The following SPP2 variants were observed in gnomAD, a reference collection of about 807,000 sequenced individuals.
SPP2 encodes the protein secreted phosphoprotein 24.
Under a neutral mutation model 28.8 loss-of-function variants are expected in SPP2, and 34 were observed. The observed-to-expected ratio is 1.18, with a 90% CI of 0.90 to 1.57. SPP2 has a LOEUF of 1.57. Among genes scored for constraint, SPP2 ranks in the 40% most tolerant of loss-of-function variants. The probability of loss-of-function intolerance (pLI) is 0.00; values close to 1 mark genes in which losing one functional copy is unlikely to be tolerated. For synonymous variants in SPP2, 96 were observed against 89.4 expected (o/e 1.07, Z -0.42); for missense variants, 269 against 263.9 (o/e 1.02, Z -0.13).
rs116495447 is a variant in SPP2, at chr2:234,072,637, C to T, written c.*10+2614C>T. ...GACTGAAGTCCCAGTTATGTCTCTG[C>T]CCTCCCATGACCTTTAGCAGGGCAG... is the stretch of plus-strand genomic sequence containing the variant. On this transcript the variant is annotated intron_variant, in intron 7 of 7. Coordinates refer to ENST00000168148, the MANE Select transcript of SPP2 (RefSeq NM_006944.3). Among the ~76,000 whole-genome samples the T allele has an allele frequency of 2.4e-3, 360 of 152,280 alleles. 1 individual carries two copies. Among genetic ancestry groups the T allele is most frequent in the African/African-American group, 7.9e-3 (329 of 41,546 alleles).
At chr2:234,070,085 T>G (rs776952774) in intron 7 of SPP2, 62 bp downstream of exon 7, 5 of 1,337,494 alleles carry the variant, frequency 3.7e-6, no homozygotes, top group Non-Finnish European at 3.2e-6. Flanking sequence ...AGTGAACGCC[T>G]TAAAACTGCT....
At chr2:234,072,240 G>A (rs953369943) in intron 7 of SPP2, among the ~76,000 whole-genome samples, 1 of 152,072 alleles carries the variant, frequency 6.6e-6, no homozygotes, top group African/African-American at 2.4e-5. Context: ...CACCATTGAG[G>A]CCTTCTTGGA....
At chr2:234,061,284 G>A (rs1693714631) in intron 4 of SPP2, among the ~76,000 whole-genome samples, 1 of 151,992 alleles carries the variant, frequency 6.6e-6, no homozygotes. Flanking sequence ...GTTTGTTTTT[G>A]TCAGTCTAGG....
intron 4 of SPP2, among the ~76,000 whole-genome samples, chr2:234,066,116 A>G (rs1026635952): frequency 1.3e-5 from 2 of 152,218 alleles, no homozygotes; most frequent in South Asian, 2.1e-4. Flanking sequence ...TGATGATTGC[A>G]TGGACTTTTA....
Position 234,073,954 on chromosome 2 carries a change from T to C in SPP2, c.*11-2891T>C, listed in dbSNP as rs28904014. On this transcript the variant is annotated intron_variant, in intron 7 of 7. Coordinates refer to ENST00000168148, the MANE Select transcript of SPP2 (RefSeq NM_006944.3). ...GCCTGGCCTCTGTGCCCATGAATAT[T>C]ACAGCTCTCAAGTATGCCTGGGCCT... Among the ~76,000 whole-genome samples the C allele has an allele frequency of 1.2e-3, 189 of 152,344 alleles. 1 individual carries two copies. The highest frequency in any genetic ancestry group is 4.3e-3 in the African/African-American group (179 of 41,582).
intron 2 of SPP2, among the ~76,000 whole-genome samples, chr2:234,055,345 C>G (rs1466052679): frequency 6.6e-6 from 1 of 152,186 alleles, no homozygotes; most frequent in Non-Finnish European, 1.5e-5. Context: ...TGTCTTTATT[C>G]TATTAAGGCC....
intron 2 of SPP2, among the ~76,000 whole-genome samples, chr2:234,057,312 A>G (rs1693628727): frequency 6.9e-6 from 1 of 144,252 alleles, no homozygotes; most frequent in Non-Finnish European, 1.5e-5. Context: ...GTCACAGTGT[A>G]TGGTTCCTGC....
chr2:234,069,815 G>T, intron 6 of SPP2, 113 bp from the exon 7 acceptor site: 5 of 787,646 alleles, frequency 6.3e-6, no homozygotes. Flanking sequence ...ATGGCAGATG[G>T]GTTCAGGTTA....
intron 5 of SPP2, 146 bp from the exon 6 acceptor site, chr2:234,067,078 T>A (rs917145580): frequency 6.5e-6 from 5 of 773,914 alleles, no homozygotes; most frequent in Non-Finnish European, 8.8e-6. Context: ...GCATTTTTCC[T>A]ATTAGTGCTG....
Position 234,070,042 on chromosome 2 carries a change from A to C in SPP2, c.*10+19A>C. ...CCTTGAGGTAAGAAAATGCAGGTGC[A>C]CACAAGTGTATTTAGAAATAGAAGC... On this transcript the variant is annotated intron_variant, in intron 7 of 7. Coordinates refer to ENST00000168148, the MANE Select transcript of SPP2 (RefSeq NM_006944.3). 1 of 1,590,094 alleles carries C rather than the reference A, an allele frequency of 6.3e-7. No homozygotes were observed.
At chr2:234,075,881 C>T (rs1690885026) in intron 7 of SPP2, among the ~76,000 whole-genome samples, 1 of 152,178 alleles carries the variant, frequency 6.6e-6, no homozygotes, top group African/African-American at 2.4e-5. Context: ...CCAAGGTCCC[C>T]CAGGCCTGAA....
chr2:234,054,675 C>T (rs1173688686), intron 2 of SPP2, among the ~76,000 whole-genome samples: 1 of 152,148 alleles, frequency 6.6e-6, no homozygotes, highest in African/African-American at 2.4e-5. Context: ...TCCCAAAGGC[C>T]CAACCTCCAA....
chr2:234,066,428 A>G, intron 4 of SPP2, 105 bp from the exon 5 acceptor site: 1 of 876,518 alleles, frequency 1.1e-6, no homozygotes, highest in Non-Finnish European at 1.9e-6. Context: ...AAAATGGATT[A>G]TATAACATAT....
intron 4 of SPP2, among the ~76,000 whole-genome samples, chr2:234,065,554 CAGG>C (rs1464941020): frequency 6.6e-6 from 1 of 152,366 alleles, no homozygotes; most frequent in East Asian, 1.9e-4. Flanking sequence ...GCTGGGATTA[CAGG>C]CATGAACCAC....
intron 4 of SPP2, among the ~76,000 whole-genome samples, chr2:234,064,989 G>A (rs1480538217): frequency 6.6e-6 from 1 of 152,152 alleles, no homozygotes; most frequent in Non-Finnish European, 1.5e-5. Flanking sequence ...GGCTATCATA[G>A]ATAATGAGGC....
Position 234,060,433 on chromosome 2 carries a change from G to C in SPP2, c.398G>C (p.Arg133Pro), listed in dbSNP as rs376262894. 2 of 1,613,272 alleles carry C rather than the reference G, an allele frequency of 1.2e-6. No individual in the cohort carries two copies. The highest frequency in any genetic ancestry group is 2.7e-5 in the African/African-American group (2 of 74,868). ...SAQQVQGVHARCSWSSSTSES... is the reference protein window; with the variant it reads ...SAQQVQGVHAPCSWSSSTSES... ...CAGCAGGTGCAGGGCGTGCATGCTC[G>C]CTGCAGCTGGTCCTCCTCCACGTCT... is the stretch of plus-strand genomic sequence containing the variant. Residue 133 changes from arginine to proline, a missense_variant, in exon 4 of 8, where the codon CGC (arginine) becomes CCC (proline). By Grantham distance (103) the Arg-to-Pro change is moderately radical. Coordinates refer to ENST00000168148, the MANE Select transcript of SPP2 (RefSeq NM_006944.3).
At chr2:234,062,681 G>A (rs530177377) in intron 4 of SPP2, among the ~76,000 whole-genome samples, 44 of 152,262 alleles carry the variant, frequency 2.9e-4, no homozygotes, top group African/African-American at 1.0e-3. Flanking sequence ...ATGCTAACTG[G>A]GTCTAGGGCT....
At chr2:234,054,159 G>C (rs1186687822) in intron 2 of SPP2, among the ~76,000 whole-genome samples, 1 of 152,164 alleles carries the variant, frequency 6.6e-6, no homozygotes, top group African/African-American at 2.4e-5. Context: ...GGAATATTGG[G>C]TGAGCTGGCA....
intron 6 of SPP2, among the ~76,000 whole-genome samples, chr2:234,067,515 C>T (rs959599111): frequency 6.6e-6 from 1 of 152,116 alleles, no homozygotes; most frequent in African/African-American, 2.4e-5. Flanking sequence ...CGGTGGCTCA[C>T]GCCTGTAATC....
Sources: allele counts gnomAD v4.1 joint callset (sites outside exome capture counted in the v4.1 genomes callset), GRCh38; gene constraint gnomAD v4.1.1; transcripts MANE v1.5; gene names NCBI Gene and HGNC (gene_info 2026-07-23, HGNC 2026-07-21).